Variants in OTUD7A observed in about 807,000 individuals in gnomAD.
The protein encoded by OTUD7A is OTU domain-containing protein 7A.
OTUD7A carries 12 observed loss-of-function variants against 65.7 expected under a neutral mutation model. The observed-to-expected ratio is 0.18, with a 90% confidence interval of 0.12 to 0.30. The LOEUF is 0.30. Ranked by LOEUF, OTUD7A falls within the 10% of genes least tolerant of loss-of-function variation. The pLI is 1.00. For missense variants in OTUD7A, 1,148 were observed against 1,304.8 expected, an observed-to-expected ratio of 0.88 and a Z score of 1.85; for synonymous variants, 641 against 586.3, an observed-to-expected ratio of 1.09 and a Z score of -1.35.
At chr15:31,610,609 A>ATTTTTTTT (rs1566942812) in intron 3 of OTUD7A, among the ~76,000 whole-genome samples, 10 of 39,766 alleles carry the variant, frequency 2.5e-4, no homozygotes, top group Non-Finnish European at 4.5e-4. Context: ...ATATATATAT[A>ATTTTTTTT]TATATATATT....
At chr15:31,579,620 G>A (rs1055908739) in intron 3 of OTUD7A, among the ~76,000 whole-genome samples, 4 of 152,212 alleles carry the variant, frequency 2.6e-5, no homozygotes, top group African/African-American at 9.6e-5. Context: ...TTTTCAGATC[G>A]TGATTGACCA....
At chr15:31,678,091 GC>G (rs1892633392) in intron 1 of OTUD7A, among the ~76,000 whole-genome samples, 1 of 152,218 alleles carries the variant, frequency 6.6e-6, no homozygotes, top group African/African-American at 2.4e-5. Flanking sequence ...TTTTGCCCCT[GC>G]CCTAGGGATC....
intron 3 of OTUD7A, among the ~76,000 whole-genome samples, chr15:31,604,634 T>C (rs1247055270): frequency 6.6e-6 from 1 of 152,196 alleles, no homozygotes; most frequent in Non-Finnish European, 1.5e-5. Context: ...TTCAGCTGCT[T>C]CACAAAAATA....
In OTUD7A at chr15:31,834,473, G is replaced by A. The variant is rs1358829904; in HGVS notation, c.-100+36034C>T. Among the ~76,000 whole-genome samples the A allele has an allele frequency of 3.3e-5, 5 of 152,278 alleles. No homozygotes were observed. In the East Asian group the frequency reaches 5.8e-4, roughly 18 times the overall value. ...TCTTAACATTAGACATTTTTAATGG[G>A]AGTAAAAATATTAGTGAACATTTTA... On this transcript the variant is annotated intron_variant, in intron 1 of 12. Coordinates refer to ENST00000307050, the MANE Select transcript of OTUD7A (RefSeq NM_001382637.1).
intron 1 of OTUD7A, among the ~76,000 whole-genome samples, chr15:31,746,994 T>A (rs909479109): frequency 6.6e-6 from 1 of 152,218 alleles, no homozygotes; most frequent in Non-Finnish European, 1.5e-5. Flanking sequence ...ACTTAAAGTG[T>A]GCTTTTTACT....
At chr15:31,688,214 CA>C (rs71424610) in intron 1 of OTUD7A, among the ~76,000 whole-genome samples, 30 of 134,244 alleles carry the variant, frequency 2.2e-4, no homozygotes, top group Non-Finnish European at 1.9e-4. Context: ...GACTCCATCT[CA>C]AAAAAAAAAA....
At chr15:31,804,636 T>C (rs923365516) in intron 1 of OTUD7A, among the ~76,000 whole-genome samples, 13 of 152,190 alleles carry the variant, frequency 8.5e-5, no homozygotes, top group African/African-American at 3.1e-4. Flanking sequence ...TCTCTTGTGC[T>C]GGGGAGGGGT....
intron 1 of OTUD7A, among the ~76,000 whole-genome samples, chr15:31,750,643 T>G (rs1270710214): frequency 2.0e-5 from 3 of 152,150 alleles, no homozygotes; most frequent in African/African-American, 7.2e-5. Flanking sequence ...AGTATGGTAC[T>G]GACACAAAAG....
chr15:31,753,510 C>T (rs905404836), intron 1 of OTUD7A, among the ~76,000 whole-genome samples: 1 of 151,550 alleles, frequency 6.6e-6, no homozygotes, highest in Non-Finnish European at 1.5e-5. Flanking sequence ...CCTTTGCATC[C>T]TCATAGCTTA....
intron 3 of OTUD7A, among the ~76,000 whole-genome samples, chr15:31,612,003 A>AAC (rs1890438215): frequency 1.3e-5 from 2 of 152,266 alleles, no homozygotes; most frequent in Admixed American, 1.3e-4. Context: ...AACATATGCA[A>AAC]GTTGATAAAT....
At chr15:31,762,374 G>A (rs138077450) in intron 1 of OTUD7A, among the ~76,000 whole-genome samples, 6 of 152,270 alleles carry the variant, frequency 3.9e-5, no homozygotes, top group East Asian at 1.9e-4. Flanking sequence ...CACAGATAAA[G>A]TCATAAAGTA....
At chr15:31,579,021 G>A (rs1258728967) in intron 3 of OTUD7A, among the ~76,000 whole-genome samples, 2 of 152,132 alleles carry the variant, frequency 1.3e-5, no homozygotes, top group Admixed American at 6.5e-5. Flanking sequence ...ATATTTCAGA[G>A]TTTGACTCTT....
At chr15:31,534,451 A>G (rs1566907912) in intron 5 of OTUD7A, among the ~76,000 whole-genome samples, 1 of 152,240 alleles carries the variant, frequency 6.6e-6, no homozygotes, top group Non-Finnish European at 1.5e-5. Flanking sequence ...CATCATACCT[A>G]ATGGTGAAAG....
intron 10 of OTUD7A, among the ~76,000 whole-genome samples, chr15:31,499,995 G>C (rs2041443273): frequency 6.6e-6 from 1 of 152,220 alleles, no homozygotes; most frequent in Non-Finnish European, 1.5e-5. Context: ...GGAAGGCCTG[G>C]AAGAGTACTC....
intron 1 of OTUD7A, among the ~76,000 whole-genome samples, chr15:31,724,181 T>C (rs1324160548): frequency 6.6e-6 from 1 of 152,224 alleles, no homozygotes; most frequent in Non-Finnish European, 1.5e-5. Flanking sequence ...ACATTATCAT[T>C]GGTGGCTTGT....
chr15:31,755,034 T>A (rs537662990), intron 1 of OTUD7A, among the ~76,000 whole-genome samples: 1 of 151,338 alleles, frequency 6.6e-6, no homozygotes, highest in South Asian at 2.1e-4. Flanking sequence ...TGTGTGTGTG[T>A]GATTATGTGT....
chr15:31,536,522 C>A (rs1038458942), intron 5 of OTUD7A, among the ~76,000 whole-genome samples: 7 of 152,110 alleles, frequency 4.6e-5, no homozygotes, highest in Non-Finnish European at 7.4e-5. Context: ...GCATTTTAAT[C>A]AAAAATTCTT....
intron 1 of OTUD7A, among the ~76,000 whole-genome samples, chr15:31,840,703 G>A (rs768426219): frequency 6.6e-6 from 1 of 152,044 alleles, no homozygotes; most frequent in Non-Finnish European, 1.5e-5. Context: ...CACAAGAACA[G>A]GAAATATTAA....
At chr15:31,514,867 TCACACATA>T (rs2041818788) in intron 8 of OTUD7A, among the ~76,000 whole-genome samples, 1 of 152,234 alleles carries the variant, frequency 6.6e-6, no homozygotes, top group African/African-American at 2.4e-5. Flanking sequence ...GAATACATAT[TCACACATA>T]CACACACATA....
Sources: gnomAD v4.1 joint callset for allele counts (sites outside exome capture counted in the v4.1 genomes callset) on GRCh38, gnomAD v4.1.1 for gene constraint, MANE v1.5 for transcripts, NCBI Gene and HGNC (gene_info 2026-07-23, HGNC 2026-07-21) for gene names.